The following AFF1 variants were observed in gnomAD, a reference collection of about 807,000 sequenced individuals.
AFF1 encodes ALF transcription elongation factor 1.
AFF1 carries 48 observed loss-of-function variants against 121.7 expected under a neutral mutation model. The observed-to-expected ratio is 0.39, with a 90% CI of 0.31 to 0.50. AFF1 has a LOEUF of 0.50. AFF1 is among the 20% of genes least tolerant of loss of function. The probability of loss-of-function intolerance (pLI) is 0.76; values close to 1 mark genes in which losing one functional copy is unlikely to be tolerated. For missense variants in AFF1, 1,523 were observed against 1,511.7 expected (o/e 1.01, Z -0.12); for synonymous variants, 613 against 563.0 (o/e 1.09, Z -1.26).
At chr4:87,134,402 C>T (rs1037813) in intron 19 of AFF1, 69 bp from the exon 20 acceptor site, 231,179 of 1,384,212 alleles carry the variant, frequency 0.17, 21,477 homozygotes, top group Middle Eastern at 0.19. Context: ...GTTCCAGACA[C>T]GTAAATCTGT....
At chr4:87,075,381 C>T (rs913417983) in intron 4 of AFF1, among the ~76,000 whole-genome samples, 2 of 151,962 alleles carry the variant, frequency 1.3e-5, no homozygotes, top group Non-Finnish European at 2.9e-5. Flanking sequence ...TATATACACA[C>T]GTATTCAATA....
intron 2 of AFF1, among the ~76,000 whole-genome samples, chr4:86,979,588 T>C (rs576610083): frequency 6.6e-6 from 1 of 152,346 alleles, no homozygotes; most frequent in Non-Finnish European, 1.5e-5. Flanking sequence ...AAAGTTCTTA[T>C]TTTAAAATAT....
chr4:86,960,072 T>A (rs1722035492), intron 2 of AFF1, among the ~76,000 whole-genome samples: 2 of 152,166 alleles, frequency 1.3e-5, no homozygotes, highest in Admixed American at 6.5e-5. Context: ...GCTGGACTCA[T>A]TACTTGTAAA....
intron 2 of AFF1, among the ~76,000 whole-genome samples, chr4:87,035,278 G>A (rs1018082904): frequency 1.3e-5 from 2 of 152,006 alleles, no homozygotes; most frequent in Non-Finnish European, 2.9e-5. Flanking sequence ...ACTCACCCAG[G>A]AGGCCTGGCA....
intron 4 of AFF1, among the ~76,000 whole-genome samples, chr4:87,080,271 A>G (rs1362473880): frequency 1.3e-5 from 2 of 152,226 alleles, no homozygotes; most frequent in Non-Finnish European, 2.9e-5. Flanking sequence ...CATTGAGGAA[A>G]GAGCTAGCCA....
chr4:86,963,800 C>CTT (rs71660104), intron 2 of AFF1, among the ~76,000 whole-genome samples: 19,163 of 143,888 alleles, frequency 0.13, 1,689 homozygotes, highest in Non-Finnish European at 0.2. Context: ...CTTTTCATTT[C>CTT]TTTTTTTTTT....
At chr4:87,120,720 C>G (rs1411502742) in intron 12 of AFF1, among the ~76,000 whole-genome samples, 5 of 152,232 alleles carry the variant, frequency 3.3e-5, no homozygotes, top group African/African-American at 1.2e-4. Context: ...AGTGCCCACA[C>G]ACATTCCTAC....
chr4:87,079,490 G>A (rs991966744), intron 4 of AFF1, among the ~76,000 whole-genome samples: 1 of 152,186 alleles, frequency 6.6e-6, no homozygotes, highest in Non-Finnish European at 1.5e-5. Context: ...ATGCTTCTTT[G>A]TAGAAGCAAA....
At chr4:86,953,525 G>GT (rs1214960610) in intron 2 of AFF1, among the ~76,000 whole-genome samples, 2 of 152,170 alleles carry the variant, frequency 1.3e-5, no homozygotes, top group African/African-American at 2.4e-5. Context: ...CAATGTTTTA[G>GT]TTCTTACAAA....
Position 87,136,184 on chromosome 4 carries a change from G to T in AFF1, c.*483G>T. ...ATGATTTTTTTTCTTTTGAGTTTTG[G>T]GAGAAATATTTGTTTAGTAACTTCT... On this transcript the variant is annotated 3_prime_UTR_variant, in exon 21 of 21. Coordinates refer to ENST00000395146, the MANE Select transcript of AFF1 (RefSeq NM_001166693.3). The T allele has an allele frequency of 4.3e-6, 1 of 232,236 alleles. No homozygotes were observed. The highest frequency in any genetic ancestry group is 2.2e-5 in the African/African-American group (1 of 45,304). 14.4% of individuals were successfully genotyped at this position (232,236 alleles called of 1,614,324 possible). A position where few individuals can be genotyped will look rare whatever the true frequency, so the allele number is the denominator to read the frequency against.
chr4:87,036,890 G>C (rs938632875), intron 2 of AFF1: 1 of 441,234 alleles, frequency 2.3e-6, no homozygotes, highest in Non-Finnish European at 4.5e-6. Flanking sequence ...TGGAGTGCAG[G>C]GTGTGACCTG....
rs1728321716 is a variant in AFF1, at chr4:87,127,081, A to T, written c.2867A>T (p.Asn956Ile). ...PFPVPSLPNG[N>I]SKPGKPQVKF... The stretch of plus-strand genomic sequence containing the variant: ...CCAGTGCCTTCTTTGCCAAATGGTA[A>T]CTCTAAACCAGGGAAGCCTCAAGTG... Residue 956 changes from asparagine to isoleucine, a missense_variant, in exon 15 of 21, where the codon AAC becomes ATC. Asn to Ile is a moderately radical substitution (Grantham distance 149). Coordinates refer to ENST00000395146, the MANE Select transcript of AFF1 (RefSeq NM_001166693.3). The T allele has an allele frequency of 1.9e-6, 3 of 1,613,448 alleles. No individual in the cohort carries two copies. The highest frequency in any genetic ancestry group is 2.5e-6 in the Non-Finnish European group (3 of 1,179,878).
rs561793250 is a variant in AFF1, at chr4:87,131,913, G to A, written c.3173+49G>A. On this transcript the variant is annotated intron_variant, in intron 18 of 20. Transcript: ENST00000395146. The stretch of plus-strand genomic sequence containing the variant: ...TAGTACTAAATTTGTTTTTGCATCT[G>A]TTGATGTTACAAAAAGATTCTGAAA... 4 of 1,408,424 alleles carry A rather than the reference G, an allele frequency of 2.8e-6. No individual in the cohort carries two copies. The Admixed American group carries it at 1.1e-4, about 38-fold the overall frequency. 87.2% of individuals were successfully genotyped at this position (1,408,424 alleles called of 1,614,324 possible).
intron 2 of AFF1, chr4:87,036,856 G>GGCTTCTT (rs1729619839): frequency 2.2e-6 from 1 of 462,404 alleles, no homozygotes; most frequent in Non-Finnish European, 4.2e-6. Context: ...TTTTTGAGAC[G>GGCTTCTT]GCTTCTTGCT....
At position 87,136,743 on chromosome 4, in the gene AFF1, A is replaced by G; in HGVS notation, c.*1042A>G. 8.8e-6 allele frequency: 2 copies of G among 227,970 alleles called. No homozygotes were observed. The highest frequency in any genetic ancestry group is 1.7e-5 in the Non-Finnish European group (2 of 114,772). 14.1% of individuals were successfully genotyped at this position (227,970 alleles called of 1,614,324 possible). On this transcript the variant is annotated 3_prime_UTR_variant, in exon 21 of 21. Coordinates refer to ENST00000395146, the MANE Select transcript of AFF1 (RefSeq NM_001166693.3). Reference sequence around the variant, plus strand: ...CCAACTCAGAGTTTCGTCAGTGAACAAGAAACATGAAATCTGCTTCTTAGA... The same window carrying G: ...CCAACTCAGAGTTTCGTCAGTGAACGAGAAACATGAAATCTGCTTCTTAGA...
rs888548609 is a variant in AFF1, at chr4:87,137,381, A to G, written c.*1680A>G. ...GGAACTCTCTTGGTAGTTTGTAAAT[A>G]CACAAAGGGATGTGTCGAGGGATGG... On this transcript the variant is annotated 3_prime_UTR_variant, in exon 21 of 21. Coordinates refer to ENST00000395146, the MANE Select transcript of AFF1 (RefSeq NM_001166693.3). 1.7e-5 allele frequency: 4 copies of G among 229,614 alleles called. No individual in the cohort carries two copies. Among genetic ancestry groups the G allele is most frequent in the Non-Finnish European group, 2.6e-5 (3 of 115,568 alleles). The allele number at this position is 229,614 out of a possible 1,614,324, so 14.2% of individuals were successfully genotyped here. A position where few individuals can be genotyped will look rare whatever the true frequency, so the allele number is the denominator to read the frequency against.
intron 5 of AFF1, 68 bp downstream of exon 5, chr4:87,084,232 T>C: frequency 6.5e-7 from 1 of 1,537,664 alleles, no homozygotes; most frequent in Non-Finnish European, 9.0e-7. Context: ...TCCATTTACT[T>C]TCACTTTAAA....
intron 2 of AFF1, among the ~76,000 whole-genome samples, chr4:87,041,067 G>A (rs1472465779): frequency 6.6e-6 from 1 of 151,800 alleles, no homozygotes; most frequent in African/African-American, 2.4e-5. Context: ...AGTAGCCACA[G>A]GGTTTCACCA....
chr4:87,095,031 A>G, intron 8 of AFF1, 62 bp downstream of exon 8: 3 of 1,461,482 alleles, frequency 2.1e-6, no homozygotes, highest in East Asian at 4.6e-5. Context: ...GTCTCATGTC[A>G]ATGCATTGCT....
Sources: allele counts gnomAD v4.1 joint callset (sites outside exome capture counted in the v4.1 genomes callset), GRCh38; gene constraint gnomAD v4.1.1; transcripts MANE v1.5; gene names NCBI Gene and HGNC (gene_info 2026-07-23, HGNC 2026-07-21).